LRRC3B: variants seen among roughly 807,000 people sequenced by gnomAD.
LRRC3B encodes leucine rich repeat containing 3B.
Under a neutral mutation model 12.8 loss-of-function variants are expected in LRRC3B, and 2 were observed. The ratio of observed to expected loss-of-function variants is 0.16; its 90% CI spans 0.06 to 0.49. The LOEUF (loss-of-function observed/expected upper bound fraction) is 0.49. LRRC3B is among the 20% of genes least tolerant of loss of function. The pLI is 0.96. For synonymous variants in LRRC3B, 132 were observed against 122.0 expected (o/e 1.08, Z -0.54); for missense variants, 189 against 319.4 (o/e 0.59, Z 3.11).
chr3:26,693,243 G>C (rs1194158999), intron 1 of LRRC3B, among the ~76,000 whole-genome samples: 2 of 148,546 alleles, frequency 1.3e-5, no homozygotes, highest in Non-Finnish European at 3.0e-5. Context: ...GCAGGAGAAT[G>C]GCGTGAACCC....
intron 1 of LRRC3B, among the ~76,000 whole-genome samples, chr3:26,650,569 C>T (rs1319371344): frequency 1.3e-5 from 2 of 152,124 alleles, no homozygotes; most frequent in African/African-American, 2.4e-5. Flanking sequence ...TGTAAACCAA[C>T]TCGGAGGTGT....
rs118136190 is a variant in LRRC3B at position 26,625,832 on chromosome 3, A to T, written c.-161+2595A>T. Among the ~76,000 whole-genome samples, 22 of 152,256 alleles carry T rather than the reference A, an allele frequency of 1.4e-4. No homozygotes were observed. In the East Asian group the frequency reaches 4.2e-3, roughly 29 times the overall value. On this transcript the variant is annotated intron_variant, in intron 1 of 1. Transcript: ENST00000396641. ...GTTGTGTGTGTTTGTGTTAGATTTA[A>T]CCCTCACAACAACCCTGAAAAATGG...
chr3:26,706,164 G>A (rs1700581818), intron 1 of LRRC3B, among the ~76,000 whole-genome samples: 1 of 152,068 alleles, frequency 6.6e-6, no homozygotes, highest in African/African-American at 2.4e-5. Flanking sequence ...ATTCTCTGGG[G>A]CCTCTTTTAT....
intron 1 of LRRC3B, among the ~76,000 whole-genome samples, chr3:26,685,010 G>C (rs959033885): frequency 6.6e-6 from 1 of 152,052 alleles, no homozygotes; most frequent in East Asian, 1.9e-4. Context: ...CTGGAGTGCA[G>C]TGGTGCGATC....
intron 1 of LRRC3B, among the ~76,000 whole-genome samples, chr3:26,663,251 A>G (rs369002195): frequency 3.3e-5 from 5 of 152,302 alleles, no homozygotes; most frequent in African/African-American, 1.2e-4. Context: ...TTTTGTTCAT[A>G]TAGTGATTTG....
chr3:26,707,029 A>G (rs1201730829), intron 1 of LRRC3B, among the ~76,000 whole-genome samples: 1 of 152,094 alleles, frequency 6.6e-6, no homozygotes, highest in Non-Finnish European at 1.5e-5. Flanking sequence ...AACTAAAACT[A>G]TGGCTAAAAA....
chr3:26,638,538 A>T (rs1175943651), intron 1 of LRRC3B, among the ~76,000 whole-genome samples: 4 of 152,224 alleles, frequency 2.6e-5, no homozygotes, highest in Non-Finnish European at 4.4e-5. Flanking sequence ...ATACCTGATG[A>T]TGTGGAAAAT....
At chr3:26,688,817 C>G (rs1232017680) in intron 1 of LRRC3B, among the ~76,000 whole-genome samples, 1 of 152,178 alleles carries the variant, frequency 6.6e-6, no homozygotes, top group East Asian at 1.9e-4. Flanking sequence ...ATATCACCAT[C>G]TCACCCCCAT....
At chr3:26,652,032 G>T (rs1699275135) in intron 1 of LRRC3B, among the ~76,000 whole-genome samples, 1 of 152,154 alleles carries the variant, frequency 6.6e-6, no homozygotes, top group Non-Finnish European at 1.5e-5. Context: ...TGCAGAACCG[G>T]CTCTTAACTG....
chr3:26,701,767 A>G (rs1438802152), intron 1 of LRRC3B, among the ~76,000 whole-genome samples: 1 of 152,054 alleles, frequency 6.6e-6, no homozygotes, highest in Admixed American at 6.6e-5. Flanking sequence ...AGGTGACATG[A>G]TAGGTACCTC....
At chr3:26,631,696 G>T (rs1698760668) in intron 1 of LRRC3B, among the ~76,000 whole-genome samples, 1 of 151,124 alleles carries the variant, frequency 6.6e-6, no homozygotes, top group African/African-American at 2.5e-5. Context: ...GACCTTGTAG[G>T]GGTGGCAACA....
intron 1 of LRRC3B, among the ~76,000 whole-genome samples, chr3:26,641,136 G>C (rs1699022604): frequency 6.6e-6 from 1 of 152,188 alleles, no homozygotes; most frequent in Admixed American, 6.5e-5. Flanking sequence ...GACTGAAGTT[G>C]CTCTAGGTCA....
At chr3:26,638,892 C>G (rs1044339600) in intron 1 of LRRC3B, among the ~76,000 whole-genome samples, 9 of 152,178 alleles carry the variant, frequency 5.9e-5, no homozygotes, top group Admixed American at 2.0e-4. Context: ...CAGATTGGGA[C>G]TTGAAAGTCC....
At chr3:26,678,736 T>TG (rs1699913077) in intron 1 of LRRC3B, among the ~76,000 whole-genome samples, 1 of 152,152 alleles carries the variant, frequency 6.6e-6, no homozygotes, top group Non-Finnish European at 1.5e-5. Flanking sequence ...AAAATGACTT[T>TG]GGGGGTTATC....
At chr3:26,636,955 T>G (rs1397869204) in intron 1 of LRRC3B, among the ~76,000 whole-genome samples, 1 of 127,848 alleles carries the variant, frequency 7.8e-6, no homozygotes, top group Non-Finnish European at 1.6e-5. Flanking sequence ...TCTTTCTTTC[T>G]TTCTTTCTTT....
At chr3:26,637,283 C>T (rs1420200731) in intron 1 of LRRC3B, among the ~76,000 whole-genome samples, 1 of 152,094 alleles carries the variant, frequency 6.6e-6, no homozygotes, top group Non-Finnish European at 1.5e-5. Context: ...GAATAATTCA[C>T]TTTTCATATT....
At chr3:26,687,888 C>G (rs1700117531) in intron 1 of LRRC3B, among the ~76,000 whole-genome samples, 1 of 152,186 alleles carries the variant, frequency 6.6e-6, no homozygotes, top group South Asian at 2.1e-4. Flanking sequence ...TCCTCTGCCT[C>G]CTGCAGCTTT....
At chr3:26,663,122 A>G (rs1699529005) in intron 1 of LRRC3B, among the ~76,000 whole-genome samples, 1 of 152,184 alleles carries the variant, frequency 6.6e-6, no homozygotes, top group Non-Finnish European at 1.5e-5. Flanking sequence ...GCACGATTCT[A>G]GTAAAAACTT....
chr3:26,685,521 CTCTATATATATATATA>C (rs1461997002), intron 1 of LRRC3B, among the ~76,000 whole-genome samples: 50 of 41,508 alleles, frequency 1.2e-3, no homozygotes, highest in Non-Finnish European at 1.6e-3. Flanking sequence ...CTCTCTCTCT[CTCTATATATATATATA>C]TATATATATA....
Sources: gnomAD v4.1 joint callset for allele counts (sites outside exome capture counted in the v4.1 genomes callset) on GRCh38, gnomAD v4.1.1 for gene constraint, MANE v1.5 for transcripts, NCBI Gene and HGNC (gene_info 2026-07-23, HGNC 2026-07-21) for gene names.